The following ARL14EPL variants were observed in gnomAD, a reference collection of about 807,000 sequenced individuals.
The protein encoded by ARL14EPL is ARF like GTPase 14 effector protein like.
In ARL14EPL, 17 loss-of-function variants were observed where a neutral mutation model predicts 15.9. The observed-to-expected ratio is 1.07, with a 90% CI of 0.73 to 1.60. The LOEUF is 1.60. ARL14EPL is among the 40% of genes most tolerant of loss of function. The pLI, the probability that ARL14EPL is intolerant of heterozygous loss-of-function variation, is 0.00. For synonymous variants in ARL14EPL, 78 were observed against 63.8 expected (o/e 1.22, Z -1.06); for missense variants, 214 against 185.9 (o/e 1.15, Z -0.88).
chr5:116,054,197 T>G (rs1192544748), intron 3 of ARL14EPL, 44 bp downstream of exon 3: 3 of 1,492,390 alleles, frequency 2.0e-6, no homozygotes, highest in Non-Finnish European at 2.7e-6. Context: ...GATTATGAAA[T>G]GCATGAATTC....
intron 1 of ARL14EPL, among the ~76,000 whole-genome samples, chr5:116,040,742 G>A (rs138771109): frequency 6.0e-4 from 90 of 151,094 alleles, no homozygotes; most frequent in African/African-American, 2.1e-3. Flanking sequence ...GGGAGGCCAA[G>A]GTGGGCGGAT....
At chr5:116,057,947 A>G (rs901249708) in intron 3 of ARL14EPL, among the ~76,000 whole-genome samples, 1 of 152,174 alleles carries the variant, frequency 6.6e-6, no homozygotes, top group Non-Finnish European at 1.5e-5. Flanking sequence ...CTCAGTTTTG[A>G]AGGATTTATT....
rs1367379121 is a variant in ARL14EPL at position 116,051,443 on chromosome 5, A to G, written c.-9-14A>G. The G allele has an allele frequency of 1.4e-6, 2 of 1,469,988 alleles. No individual in the cohort carries two copies. Among genetic ancestry groups the G allele is most frequent in the South Asian group, 2.4e-5 (2 of 81,804 alleles). 91.1% of individuals were successfully genotyped at this position (1,469,988 alleles called of 1,614,324 possible). A position where few individuals can be genotyped will look rare whatever the true frequency, so the allele number is the denominator to read the frequency against. ...GATATTAATATGTTTTACTTTTTCCAATTACTTTTTAAGTGATCAGAGATG... is the reference window on the plus strand; with the variant it reads ...GATATTAATATGTTTTACTTTTTCCGATTACTTTTTAAGTGATCAGAGATG... On this transcript the variant is annotated splice_polypyrimidine_tract_variant and intron_variant, in intron 1 of 3. Transcript: ENST00000686077.
intron 3 of ARL14EPL, among the ~76,000 whole-genome samples, chr5:116,055,581 A>T (rs1208356009): frequency 1.3e-5 from 2 of 152,028 alleles, no homozygotes; most frequent in Non-Finnish European, 2.9e-5. Flanking sequence ...ATGTTTAGGG[A>T]TACCTACATA....
intron 1 of ARL14EPL, among the ~76,000 whole-genome samples, chr5:116,045,812 G>A (rs1189670990): frequency 1.3e-5 from 2 of 151,592 alleles, no homozygotes. Flanking sequence ...ACAAAAGTAT[G>A]GCTAGGAATC....
intron 1 of ARL14EPL, among the ~76,000 whole-genome samples, chr5:116,039,333 A>G (rs1012403535): frequency 2.0e-5 from 3 of 152,192 alleles, no homozygotes; most frequent in African/African-American, 7.2e-5. Flanking sequence ...AACAGAAAGA[A>G]CCAGAATGGG....
intron 1 of ARL14EPL, among the ~76,000 whole-genome samples, chr5:116,047,110 T>C (rs558386400): frequency 6.6e-6 from 1 of 152,324 alleles, no homozygotes; most frequent in East Asian, 1.9e-4. Flanking sequence ...AAATGTCTGT[T>C]GTTTAAGCCA....
chr5:116,053,457 T>A (rs1450200949), intron 2 of ARL14EPL, among the ~76,000 whole-genome samples: 4 of 151,968 alleles, frequency 2.6e-5, no homozygotes, highest in African/African-American at 9.7e-5. Context: ...CTTGTTCCAA[T>A]CTGGCTTTGA....
At chr5:116,038,060 G>T (rs77109196) in intron 1 of ARL14EPL, among the ~76,000 whole-genome samples, 5,978 of 152,244 alleles carry the variant, frequency 0.039, 291 homozygotes, top group African/African-American at 0.12. Flanking sequence ...AAGGTAGGAG[G>T]AGAGGTAGGG....
rs6880801 is a variant in ARL14EPL, at chr5:116,059,098, C to T, written c.*151C>T. The T allele has an allele frequency of 0.7, 491,759 of 704,556 alleles. 179,439 individuals carry two copies. Among genetic ancestry groups the T allele is most frequent in the Non-Finnish European group, 0.78 (337,530 of 431,604 alleles). 43.6% of individuals were successfully genotyped at this position (704,556 alleles called of 1,614,324 possible). On this transcript the variant is annotated 3_prime_UTR_variant, in exon 4 of 4. Transcript: ENST00000686077. ...AAGCCCCAGAACAATGTAGAATGGG[C>T]AATAATTCTGTAACCTTCTTAACTG...
At chr5:116,044,268 A>G (rs1270799872) in intron 1 of ARL14EPL, among the ~76,000 whole-genome samples, 1 of 152,168 alleles carries the variant, frequency 6.6e-6, no homozygotes, top group African/African-American at 2.4e-5. Context: ...GAGTGAACAG[A>G]GCAAGTATTA....
rs1047689282 is a variant in ARL14EPL at position 116,052,093 on chromosome 5, A to G, written c.96+532A>G. On this transcript the variant is annotated intron_variant, in intron 2 of 3. Coordinates refer to ENST00000686077, the MANE Select transcript of ARL14EPL (RefSeq NM_001195581.2). ...AGACCACAGCTGGGGTTATAAGTTT[A>G]TAGTTGGGAACTTCCTTACAGAGTT... 20 of 1,613,366 alleles carry G rather than the reference A, an allele frequency of 1.2e-5. No individual in the cohort carries two copies. The Admixed American group carries it at 3.2e-4, about 26-fold the overall frequency.
intron 1 of ARL14EPL, chr5:116,051,223 A>C: frequency 2.2e-6 from 1 of 449,328 alleles, no homozygotes; most frequent in Non-Finnish European, 3.9e-6. Context: ...GGACTGTCAA[A>C]GGTACTATTG....
chr5:116,044,425 A>G (rs114563127), intron 1 of ARL14EPL, among the ~76,000 whole-genome samples: 1 of 152,088 alleles, frequency 6.6e-6, no homozygotes. Flanking sequence ...TCTTGGGAAA[A>G]CAGCTTTTAC....
chr5:116,045,952 T>A (rs1749259794), intron 1 of ARL14EPL, among the ~76,000 whole-genome samples: 1 of 152,152 alleles, frequency 6.6e-6, no homozygotes. Flanking sequence ...TAGAGGTTAT[T>A]GTCTTGTGGT....
intron 1 of ARL14EPL, among the ~76,000 whole-genome samples, chr5:116,044,658 G>A (rs886534703): frequency 6.6e-6 from 1 of 152,086 alleles, no homozygotes; most frequent in South Asian, 2.1e-4. Context: ...TGATTATTGT[G>A]AATGGAAGAT....
chr5:116,039,258 C>T (rs1258537382), intron 1 of ARL14EPL, among the ~76,000 whole-genome samples: 1 of 152,174 alleles, frequency 6.6e-6, no homozygotes, highest in African/African-American at 2.4e-5. Flanking sequence ...CCAGGCCCTC[C>T]TCCTATCATC....
chr5:116,040,209 T>C (rs1749123065), intron 1 of ARL14EPL, among the ~76,000 whole-genome samples: 1 of 152,098 alleles, frequency 6.6e-6, no homozygotes, highest in South Asian at 2.1e-4. Flanking sequence ...TTTTAAAGCT[T>C]TTGACATATA....
intron 2 of ARL14EPL, 145 bp downstream of exon 2, chr5:116,051,706 C>G (rs62386607): frequency 0.1 from 77,451 of 756,154 alleles, 4,598 homozygotes; most frequent in Admixed American, 0.12. Context: ...ATAGAGCTTT[C>G]CCTCCTCCCC....
Sources: gnomAD v4.1 joint callset for allele counts (sites outside exome capture counted in the v4.1 genomes callset) on GRCh38, gnomAD v4.1.1 for gene constraint, MANE v1.5 for transcripts, NCBI Gene and HGNC (gene_info 2026-07-23, HGNC 2026-07-21) for gene names.